The following IMMP2L variants were observed in gnomAD, a reference collection of about 807,000 sequenced individuals.
The protein encoded by IMMP2L is mitochondrial inner membrane protease subunit 2.
In IMMP2L, 18 loss-of-function variants were observed where a neutral mutation model predicts 19.3. The observed-to-expected ratio is 0.93, with a 90% CI of 0.64 to 1.38. The LOEUF (loss-of-function observed/expected upper bound fraction) is 1.38. Ranked by LOEUF, IMMP2L falls within the 40% of genes most tolerant of loss-of-function variation. The pLI is 0.00. For synonymous variants in IMMP2L, 76 were observed against 73.0 expected, an observed-to-expected ratio of 1.04 and a Z score of -0.21; for missense variants, 233 against 218.2, an observed-to-expected ratio of 1.07 and a Z score of -0.43.
chr7:111,229,648 A>G (rs1042686585), intron 3 of IMMP2L, among the ~76,000 whole-genome samples: 5 of 152,058 alleles, frequency 3.3e-5, no homozygotes, highest in Non-Finnish European at 7.4e-5. Context: ...TCAACAATGG[A>G]TAAAATTAGA....
chr7:111,082,475 T>G (rs776302356), intron 3 of IMMP2L, among the ~76,000 whole-genome samples: 1 of 152,234 alleles, frequency 6.6e-6, no homozygotes, highest in Non-Finnish European at 1.5e-5. Context: ...TTCTCCTCAT[T>G]TCTTTCTCAG....
At chr7:111,197,712 C>T (rs1441388905) in intron 3 of IMMP2L, among the ~76,000 whole-genome samples, 2 of 152,090 alleles carry the variant, frequency 1.3e-5, no homozygotes, top group East Asian at 3.9e-4. Flanking sequence ...CTATACAATG[C>T]GATAGCTTTC....
chr7:111,346,566 G>T (rs895753126), intron 3 of IMMP2L, among the ~76,000 whole-genome samples: 1 of 152,064 alleles, frequency 6.6e-6, no homozygotes, highest in East Asian at 1.9e-4. Context: ...AGTTTTTTAA[G>T]TGATAAAATT....
intron 5 of IMMP2L, among the ~76,000 whole-genome samples, chr7:110,847,413 C>T (rs1243302357): frequency 6.6e-6 from 1 of 152,106 alleles, no homozygotes; most frequent in African/African-American, 2.4e-5. Context: ...CGATTTAATA[C>T]ACGCTCATTT....
At chr7:111,181,218 G>A (rs1807669849) in intron 3 of IMMP2L, among the ~76,000 whole-genome samples, 1 of 151,960 alleles carries the variant, frequency 6.6e-6, no homozygotes, top group African/African-American at 2.4e-5. Context: ...AATTTCCTCT[G>A]CTGTGTGGTT....
At chr7:110,901,784 GTAACA>G (rs966910056) in intron 4 of IMMP2L, among the ~76,000 whole-genome samples, 1 of 152,092 alleles carries the variant, frequency 6.6e-6, no homozygotes, top group African/African-American at 2.4e-5. Flanking sequence ...AATTCAATCA[GTAACA>G]TAACAGATTA....
At position 110,728,753 on chromosome 7, in the gene IMMP2L, G is replaced by A. The variant is rs1796060833; in HGVS notation, c.409-65032C>T. On this transcript the variant is annotated intron_variant, in intron 5 of 5. Coordinates refer to ENST00000405709, the MANE Select transcript of IMMP2L (RefSeq NM_032549.4). This position sits in a 1 kb window ranked among gnomAD's most constrained non-coding sequence, Gnocchi z 4.6. ...CTCCATGCACTGTACTATGGGTTCT[G>A]TGCATATTACCTCATTTGTTTCTCA... 6.6e-6 allele frequency among the ~76,000 whole-genome samples: 1 copy of A among 152,108 alleles called. No individual in the cohort carries two copies. The highest frequency in any genetic ancestry group is 2.4e-5 in the African/African-American group (1 of 41,404).
intron 4 of IMMP2L, among the ~76,000 whole-genome samples, chr7:110,905,676 C>T (rs1272219668): frequency 6.6e-6 from 1 of 152,114 alleles, no homozygotes; most frequent in East Asian, 1.9e-4. Context: ...ATTAGAAGAA[C>T]CCTGAATTCT....
At chr7:111,521,819 T>C (rs1358334244) in intron 1 of IMMP2L, among the ~76,000 whole-genome samples, 1 of 152,140 alleles carries the variant, frequency 6.6e-6, no homozygotes, top group Non-Finnish European at 1.5e-5. Context: ...AATAAAAGTT[T>C]CAGTGGAACA....
Position 111,539,192 on chromosome 7 carries a change from GA to G in IMMP2L, c.-2-17744del, listed in dbSNP as rs1848224852. The stretch of plus-strand genomic sequence containing the variant: ...GGAAGGAAGGAAGGAAGGAAGGAAG[GA>G]GGGAGAAAGAAAGAAAGAAAGAAAG... On this transcript the variant is annotated intron_variant, in intron 1 of 5. Coordinates refer to ENST00000405709, the MANE Select transcript of IMMP2L (RefSeq NM_032549.4). Among the ~76,000 whole-genome samples the G allele has an allele frequency of 6.8e-3, 135 of 19,838 alleles. 15 individuals carry two copies. The highest frequency in any genetic ancestry group is 0.022 in the African/African-American group (130 of 5,854). The allele number at this position is 19,838 out of a possible 152,430, so 13.0% of individuals were successfully genotyped here.
At chr7:111,301,246 T>C (rs989040163) in intron 3 of IMMP2L, among the ~76,000 whole-genome samples, 1 of 152,126 alleles carries the variant, frequency 6.6e-6, no homozygotes, top group Non-Finnish European at 1.5e-5. Flanking sequence ...TATATCTTCT[T>C]TGGTAAAAAG....
intron 5 of IMMP2L, among the ~76,000 whole-genome samples, chr7:110,729,282 G>A (rs1407923391): frequency 6.6e-6 from 1 of 152,178 alleles, no homozygotes; most frequent in Non-Finnish European, 1.5e-5. Flanking sequence ...GCATGGCTGG[G>A]GAGGCCTCAA....
intron 5 of IMMP2L, among the ~76,000 whole-genome samples, chr7:110,679,456 T>C (rs777885702): frequency 6.6e-6 from 1 of 152,150 alleles, no homozygotes; most frequent in Non-Finnish European, 1.5e-5. Flanking sequence ...ATTTTTATGT[T>C]GGAGATAAAA....
At chr7:110,989,818 A>G (rs150109757) in intron 3 of IMMP2L, among the ~76,000 whole-genome samples, 1 of 151,976 alleles carries the variant, frequency 6.6e-6, no homozygotes, top group East Asian at 1.9e-4. Flanking sequence ...ATTAGAAAAA[A>G]CCTTTTAAAA....
chr7:111,043,045 C>A (rs1038449120), intron 3 of IMMP2L, among the ~76,000 whole-genome samples: 8 of 152,182 alleles, frequency 5.3e-5, no homozygotes, highest in African/African-American at 1.9e-4. Flanking sequence ...ACTGCTGACT[C>A]AACATGCCTC....
At chr7:111,256,333 T>A (rs1351800884) in intron 3 of IMMP2L, among the ~76,000 whole-genome samples, 1 of 152,096 alleles carries the variant, frequency 6.6e-6, no homozygotes, top group Non-Finnish European at 1.5e-5. Flanking sequence ...GATGTACATA[T>A]GAACTATAAC....
chr7:111,503,868 T>C (rs1414582068), intron 2 of IMMP2L, among the ~76,000 whole-genome samples: 3 of 152,124 alleles, frequency 2.0e-5, no homozygotes, highest in Non-Finnish European at 2.9e-5. Flanking sequence ...AATATCATAC[T>C]GAATGGACAA....
rs557222176 is a variant in IMMP2L, at chr7:110,804,149, T to C, written c.408+82444A>G. On this transcript the variant is annotated intron_variant, in intron 5 of 5. Coordinates refer to ENST00000405709, the MANE Select transcript of IMMP2L (RefSeq NM_032549.4). ...AATAGGGGATGTCCTCTTTGTTTAT[T>C]ATCATCTCCAAACACCCAGGATTTG... Among the ~76,000 whole-genome samples the C allele has an allele frequency of 2.2e-4, 33 of 152,166 alleles. No individual in the cohort carries two copies. In the South Asian group the frequency reaches 6.8e-3, roughly 32 times the overall value.
intron 4 of IMMP2L, among the ~76,000 whole-genome samples, chr7:110,890,329 A>G (rs1469374923): frequency 6.6e-6 from 1 of 152,170 alleles, no homozygotes. Context: ...GAATATTGCT[A>G]TGCTAATACA....
Sources: gnomAD v4.1 joint callset for allele counts (sites outside exome capture counted in the v4.1 genomes callset) on GRCh38, gnomAD v4.1.1 for gene constraint, Gnocchi (gnomAD v3.1) non-coding constraint, MANE v1.5 for transcripts, NCBI Gene and HGNC (gene_info 2026-07-23, HGNC 2026-07-21) for gene names.